Variants in BMPR2 observed in about 807,000 individuals in gnomAD.
BMPR2 encodes the protein bone morphogenetic protein receptor type 2, also known as bone morphogenetic protein receptor type-2.
A neutral mutation model predicts 100.8 loss-of-function variants in BMPR2; 29 were observed. That is an observed-to-expected ratio of 0.29 (90% CI 0.21 to 0.39). The LOEUF is 0.39. Ranked by LOEUF, BMPR2 falls within the 10% of genes least tolerant of loss-of-function variation. The pLI, the probability that BMPR2 is intolerant of heterozygous loss-of-function variation, is 1.00. For missense variants in BMPR2, 1,011 were observed against 1,274.5 expected, an observed-to-expected ratio of 0.79 and a Z score of 3.15; for synonymous variants, 382 against 442.3, an observed-to-expected ratio of 0.86 and a Z score of 1.71.
chr2:202,515,719 A>C (rs1024583948), intron 5 of BMPR2, among the ~76,000 whole-genome samples: 6 of 151,944 alleles, frequency 3.9e-5, no homozygotes, highest in East Asian at 3.9e-4. Context: ...GTGAAACCCT[A>C]TCTCTACTAA....
intron 3 of BMPR2, among the ~76,000 whole-genome samples, chr2:202,468,836 A>G (rs1307342344): frequency 6.6e-6 from 1 of 152,196 alleles, no homozygotes; most frequent in Non-Finnish European, 1.5e-5. Flanking sequence ...GCTGTCTTGT[A>G]TAGGACTGGA....
chr2:202,404,004 T>C (rs1690826540), intron 1 of BMPR2, among the ~76,000 whole-genome samples: 1 of 117,810 alleles, frequency 8.5e-6, no homozygotes. Context: ...AAACTCCGTC[T>C]CAAAAAAAAA....
chr2:202,411,437 C>T (rs1161341647), intron 1 of BMPR2, among the ~76,000 whole-genome samples: 6 of 152,314 alleles, frequency 3.9e-5, no homozygotes, highest in Middle Eastern at 6.8e-3. Context: ...TTGCTCATTA[C>T]AAAATTACTT....
At chr2:202,416,834 T>C (rs1161265221) in intron 1 of BMPR2, among the ~76,000 whole-genome samples, 1 of 151,674 alleles carries the variant, frequency 6.6e-6, no homozygotes, top group East Asian at 1.9e-4. Context: ...TTTTTCTTTT[T>C]CTTTTTCTTT....
At position 202,377,400 on chromosome 2, in the gene BMPR2, C is replaced by T. The variant is rs918573678; in HGVS notation, c.-75C>T. On this transcript the variant is annotated 5_prime_UTR_variant, in exon 1 of 13. Coordinates refer to ENST00000374580, the MANE Select transcript of BMPR2 (RefSeq NM_001204.7). ...TCAGTCCACGGGAGAGAAGACGAGC[C>T]TCCCGGCTGTTTCTCCGCCGGTCTA... The T allele has an allele frequency of 2.7e-5, 39 of 1,433,500 alleles. No individual in the cohort carries two copies. Among genetic ancestry groups the T allele is most frequent in the Non-Finnish European group, 3.7e-5 (38 of 1,015,274 alleles). 88.8% of individuals were successfully genotyped at this position (1,433,500 alleles called of 1,614,324 possible). A position where few individuals can be genotyped will look rare whatever the true frequency, so the allele number is the denominator to read the frequency against.
intron 1 of BMPR2, among the ~76,000 whole-genome samples, chr2:202,458,187 C>T (rs2105954065): frequency 6.6e-6 from 1 of 150,428 alleles, no homozygotes; most frequent in Non-Finnish European, 1.5e-5. Context: ...TGGCTCACTC[C>T]TGCAATCCCA....
At chr2:202,520,224 T>C (rs1409414433) in intron 7 of BMPR2, 23 bp downstream of exon 7, 8 of 1,536,646 alleles carry the variant, frequency 5.2e-6, no homozygotes, top group Non-Finnish European at 6.3e-6. Flanking sequence ...ATAGATGAAA[T>C]TGACACTCAT....
rs188128350 is a variant in BMPR2 at position 202,380,751 on chromosome 2, C to G, written c.76+3201C>G. Among the ~76,000 whole-genome samples, 240 of 150,878 alleles carry G rather than the reference C, an allele frequency of 1.6e-3. 1 individual carries two copies. Among genetic ancestry groups the G allele is most frequent in the Non-Finnish European group, 1.8e-3 (124 of 67,834 alleles). On this transcript the variant is annotated intron_variant, in intron 1 of 12. Transcript: ENST00000374580. Reference sequence around the variant, plus strand: ...AATTCTGCCTCAGCCTCTCGGGTAGCTGGGATTACAGGCATGTGCCACCAC... The same window carrying G: ...AATTCTGCCTCAGCCTCTCGGGTAGGTGGGATTACAGGCATGTGCCACCAC...
At chr2:202,550,292 G>A (rs923137233) in intron 10 of BMPR2, among the ~76,000 whole-genome samples, 2 of 148,806 alleles carry the variant, frequency 1.3e-5, no homozygotes, top group East Asian at 4.0e-4. Context: ...AGAATGGCAC[G>A]AACCCAAGAG....
At chr2:202,448,364 G>A (rs964587450) in intron 1 of BMPR2, among the ~76,000 whole-genome samples, 6 of 149,864 alleles carry the variant, frequency 4.0e-5, no homozygotes, top group Admixed American at 1.3e-4. Context: ...GGAGAATGGC[G>A]TGAACCCGGG....
intron 1 of BMPR2, among the ~76,000 whole-genome samples, chr2:202,451,343 A>G (rs1422531614): frequency 6.6e-6 from 1 of 152,220 alleles, no homozygotes; most frequent in African/African-American, 2.4e-5. Flanking sequence ...ATTCAGCTCT[A>G]TATTGTGTCT....
At chr2:202,449,487 A>G (rs981520077) in intron 1 of BMPR2, among the ~76,000 whole-genome samples, 3 of 152,150 alleles carry the variant, frequency 2.0e-5, no homozygotes, top group African/African-American at 7.2e-5. Flanking sequence ...TACTATGCCT[A>G]AAGTGTTTGT....
At chr2:202,424,263 A>T (rs369984823) in intron 1 of BMPR2, among the ~76,000 whole-genome samples, 1 of 151,924 alleles carries the variant, frequency 6.6e-6, no homozygotes, top group Admixed American at 6.6e-5. Context: ...AATCCCTGCC[A>T]CTTGGGAAGC....
chr2:202,418,497 G>A (rs956387766), intron 1 of BMPR2, among the ~76,000 whole-genome samples: 2 of 152,136 alleles, frequency 1.3e-5, no homozygotes, highest in Admixed American at 1.3e-4. Context: ...CAGCCCTCAG[G>A]CAATCCTGAG....
chr2:202,393,525 G>A (rs1690592491), intron 1 of BMPR2, among the ~76,000 whole-genome samples: 1 of 152,060 alleles, frequency 6.6e-6, no homozygotes, highest in South Asian at 2.1e-4. Context: ...CAAACTCCTA[G>A]GCACAAGCGA....
intron 1 of BMPR2, among the ~76,000 whole-genome samples, chr2:202,456,331 C>G (rs1692103802): frequency 6.6e-6 from 1 of 150,836 alleles, no homozygotes; most frequent in Non-Finnish European, 1.5e-5. Context: ...ACCACCACGC[C>G]CAGCTGCCCA....
intron 3 of BMPR2, 34 bp from the exon 4 acceptor site, chr2:202,513,685 A>G: frequency 6.5e-7 from 1 of 1,546,586 alleles, no homozygotes; most frequent in South Asian, 1.1e-5. Context: ...CTTTTTTAAA[A>G]AAAAATGACA....
intron 10 of BMPR2, among the ~76,000 whole-genome samples, chr2:202,543,222 T>TTATATATATATTTATATACATATATATA (rs1688312133): frequency 6.8e-6 from 1 of 146,820 alleles, no homozygotes. Flanking sequence ...ACATATATAT[T>TTATATATATATTTATATACATATATATA]TATATATATA....
At position 202,467,543 on chromosome 2, in the gene BMPR2, C is replaced by G; in HGVS notation, c.272C>G (p.Pro91Arg). 5 of 1,563,802 alleles carry G rather than the reference C, an allele frequency of 3.2e-6. No individual in the cohort carries two copies. Among genetic ancestry groups the G allele is most frequent in the Non-Finnish European group, 3.5e-6 (4 of 1,134,500 alleles). The change falls in exon 3 of 13, where the codon CCC (proline) becomes CGC (arginine). Residue 91 changes from proline (P) to arginine (R), a missense_variant. By Grantham distance (103) the Pro-to-Arg change is moderately radical (BLOSUM62 -2). Transcript: ENST00000374580. ...GGATGTTGGTCTCACATTGGAGATCCCCAAGAGTGTCACTATGAAGAATGT... is the reference window on the plus strand; with the variant it reads ...GGATGTTGGTCTCACATTGGAGATCGCCAAGAGTGTCACTATGAAGAATGT... ...KQGCWSHIGD[P>R]QECHYEECVV...
Sources: gnomAD v4.1 joint callset for allele counts (sites outside exome capture counted in the v4.1 genomes callset) on GRCh38, gnomAD v4.1.1 for gene constraint, MANE v1.5 for transcripts, NCBI Gene and HGNC (gene_info 2026-07-23, HGNC 2026-07-21) for gene names.